CDH4: variants seen among roughly 807,000 people sequenced by gnomAD.
The protein encoded by CDH4 is cadherin-4.
A neutral mutation model predicts 86.0 loss-of-function variants in CDH4; 33 were observed. That is an observed-to-expected ratio of 0.38 (90% CI 0.29 to 0.51). The LOEUF is 0.51. Among genes scored for constraint, CDH4 ranks in the 20% least tolerant of loss-of-function variants. The pLI, the probability that CDH4 is intolerant of heterozygous loss-of-function variation, is 0.86. For missense variants in CDH4, 1,114 were observed against 1,307.4 expected, an observed-to-expected ratio of 0.85 and a Z score of 2.28; for synonymous variants, 555 against 549.4, an observed-to-expected ratio of 1.01 and a Z score of -0.14.
chr20:61,542,755 T>C (rs1046691998), intron 2 of CDH4, among the ~76,000 whole-genome samples: 10 of 152,294 alleles, frequency 6.6e-5, no homozygotes, highest in Middle Eastern at 3.4e-3. Context: ...GGTATTAGGG[T>C]TCTCCAAAGG....
chr20:61,517,486 T>G lies in CDH4; in HGVS notation c.170-226077T>G, dbSNP rs992104663. Among the ~76,000 whole-genome samples the G allele has an allele frequency of 3.3e-5, 5 of 152,222 alleles. No homozygotes were observed. Among genetic ancestry groups the G allele is most frequent in the African/African-American group, 1.2e-4 (5 of 41,456 alleles). On this transcript the variant is annotated intron_variant, in intron 2 of 15. Coordinates refer to ENST00000614565, the MANE Select transcript of CDH4 (RefSeq NM_001794.5). This position sits in a 1 kb window ranked among gnomAD's most constrained non-coding sequence, Gnocchi z 6.6. ...CTGGGATTGCAGGTATGAGCCACCA[T>G]GCCTGGCCTATAGACTTTTGTGTCT...
chr20:61,328,265 T>C (rs1431903439), intron 2 of CDH4, among the ~76,000 whole-genome samples: 1 of 152,082 alleles, frequency 6.6e-6, no homozygotes, highest in East Asian at 1.9e-4. Context: ...AACCTCCACC[T>C]CCTGGGTTCA....
At chr20:61,334,690 A>C (rs2084607822) in intron 2 of CDH4, among the ~76,000 whole-genome samples, 1 of 152,162 alleles carries the variant, frequency 6.6e-6, no homozygotes, top group South Asian at 2.1e-4. Flanking sequence ...GCTGGGTTTC[A>C]ACATATGGAT....
At chr20:61,722,466 G>T (rs1488589155) in intron 2 of CDH4, among the ~76,000 whole-genome samples, 2 of 152,208 alleles carry the variant, frequency 1.3e-5, no homozygotes, top group African/African-American at 4.8e-5. Flanking sequence ...CACATGACTT[G>T]TCTTGGCCAA....
At chr20:61,446,031 G>T (rs1427078849) in intron 2 of CDH4, among the ~76,000 whole-genome samples, 1 of 152,222 alleles carries the variant, frequency 6.6e-6, no homozygotes, top group East Asian at 1.9e-4. Flanking sequence ...GAAACTGTGG[G>T]TGCGCAGTTG....
intron 2 of CDH4, among the ~76,000 whole-genome samples, chr20:61,672,236 T>TG (rs1258913670): frequency 6.6e-6 from 1 of 151,508 alleles, no homozygotes; most frequent in African/African-American, 2.4e-5. Flanking sequence ...AATGCATGGA[T>TG]GATCGTATCG....
intron 2 of CDH4, among the ~76,000 whole-genome samples, chr20:61,278,628 C>T (rs989415874): frequency 1.3e-5 from 2 of 152,204 alleles, no homozygotes; most frequent in African/African-American, 2.4e-5. Flanking sequence ...GAAGTGTCTA[C>T]AATAATTGTT....
At chr20:61,442,898 GGGCTGCC>G (rs1455922441) in intron 2 of CDH4, among the ~76,000 whole-genome samples, 9 of 152,318 alleles carry the variant, frequency 5.9e-5, no homozygotes, top group African/African-American at 2.2e-4. Flanking sequence ...CCCATGGTGG[GGGCTGCC>G]TTGTGCATTG....
chr20:61,933,175 G>T, intron 14 of CDH4, 51 bp downstream of exon 14: 1 of 1,589,190 alleles, frequency 6.3e-7, no homozygotes, highest in Non-Finnish European at 8.6e-7. Context: ...GCTCTCACGT[G>T]TACTAGTGTC....
intron 2 of CDH4, among the ~76,000 whole-genome samples, chr20:61,734,934 C>T (rs1050841218): frequency 7.2e-5 from 11 of 152,084 alleles, no homozygotes; most frequent in South Asian, 4.2e-4. Context: ...CCCCCGCTCC[C>T]GAGAATCTCC....
intron 2 of CDH4, among the ~76,000 whole-genome samples, chr20:61,358,994 A>G (rs2084769189): frequency 6.6e-6 from 1 of 152,080 alleles, no homozygotes; most frequent in African/African-American, 2.4e-5. Flanking sequence ...CACAGCATTC[A>G]CGTCCTTATG....
intron 2 of CDH4, among the ~76,000 whole-genome samples, chr20:61,616,387 A>C (rs2086725463): frequency 6.6e-6 from 1 of 151,728 alleles, no homozygotes. Flanking sequence ...GACTCTGGAG[A>C]CCCACTCCTG....
chr20:61,343,995 G>A (rs747665147), intron 2 of CDH4, among the ~76,000 whole-genome samples: 8 of 152,138 alleles, frequency 5.3e-5, no homozygotes, highest in Non-Finnish European at 7.3e-5. Flanking sequence ...TTGTACCTAC[G>A]TGAAGAATGA....
chr20:61,340,000 T>C (rs12625818), intron 2 of CDH4, among the ~76,000 whole-genome samples: 87,337 of 152,068 alleles, frequency 0.57, 25,149 homozygotes, highest in Middle Eastern at 0.69. Context: ...AGGGTATTAC[T>C]GAGTTTAAGA....
At chr20:61,593,929 C>G (rs1178932321) in intron 2 of CDH4, among the ~76,000 whole-genome samples, 1 of 150,244 alleles carries the variant, frequency 6.7e-6, no homozygotes, top group Non-Finnish European at 1.5e-5. Flanking sequence ...GCTGAAGTCT[C>G]CCCAGTACAC....
intron 2 of CDH4, among the ~76,000 whole-genome samples, chr20:61,388,493 C>A (rs1047182777): frequency 1.3e-5 from 2 of 152,164 alleles, no homozygotes; most frequent in Non-Finnish European, 2.9e-5. Flanking sequence ...AGGATGATAC[C>A]GTGACCCTTC....
intron 2 of CDH4, among the ~76,000 whole-genome samples, chr20:61,296,297 G>GTA (rs2084353875): frequency 7.0e-6 from 1 of 143,742 alleles, no homozygotes; most frequent in African/African-American, 2.9e-5. Context: ...GTGTGTGTGT[G>GTA]CGTGGGTGCG....
intron 2 of CDH4, among the ~76,000 whole-genome samples, chr20:61,562,510 T>C (rs1289107745): frequency 5.9e-5 from 9 of 152,192 alleles, no homozygotes; most frequent in Non-Finnish European, 1.5e-5. Context: ...AGTCATTGCC[T>C]GGGAAACTGG....
chr20:61,548,965 A>G (rs2086108253), intron 2 of CDH4, among the ~76,000 whole-genome samples: 1 of 151,866 alleles, frequency 6.6e-6, no homozygotes, highest in South Asian at 2.1e-4. Context: ...ATATAAAACT[A>G]CAAATGCCTT....
Sources: gnomAD v4.1 joint callset for allele counts (sites outside exome capture counted in the v4.1 genomes callset) on GRCh38, gnomAD v4.1.1 for gene constraint, Gnocchi (gnomAD v3.1) non-coding constraint, MANE v1.5 for transcripts, NCBI Gene and HGNC (gene_info 2026-07-23, HGNC 2026-07-21) for gene names.